AKAP6: variants seen among roughly 807,000 people sequenced by gnomAD.
AKAP6 encodes A-kinase anchor protein 6.
AKAP6 carries 58 observed loss-of-function variants against 188.5 expected under a neutral mutation model. That is an observed-to-expected ratio of 0.31 (90% CI 0.25 to 0.38). The LOEUF is 0.38. AKAP6 is among the 10% of genes least tolerant of loss of function. The probability of loss-of-function intolerance (pLI) is 1.00; values close to 1 mark genes in which losing one functional copy is unlikely to be tolerated. For synonymous variants in AKAP6, 989 were observed against 998.6 expected, an observed-to-expected ratio of 0.99 and a Z score of 0.18; for missense variants, 2,710 against 2,740.0, an observed-to-expected ratio of 0.99 and a Z score of 0.24.
chr14:32,676,235 T>A (rs1254056860), intron 7 of AKAP6, among the ~76,000 whole-genome samples: 1 of 152,198 alleles, frequency 6.6e-6, no homozygotes, highest in Non-Finnish European at 1.5e-5. Flanking sequence ...TTGCTCAATA[T>A]CTCTGTAATC....
intron 2 of AKAP6, among the ~76,000 whole-genome samples, chr14:32,518,084 G>A (rs1881616907): frequency 6.6e-6 from 1 of 152,182 alleles, no homozygotes; most frequent in African/African-American, 2.4e-5. Context: ...AGGCAAACAG[G>A]TTCTGGAGTG....
Position 32,613,180 on chromosome 14 carries a change from T to C in AKAP6, c.2730+12388T>C, listed in dbSNP as rs187748921. Among the ~76,000 whole-genome samples, 871 of 152,284 alleles carry C rather than the reference T, an allele frequency of 5.7e-3. 14 individuals carry two copies. Among genetic ancestry groups the C allele is most frequent in the African/African-American group, 0.02 (846 of 41,560 alleles). ...GGAACACAGTCTCTCTGTTTTATAC[T>C]AGACACAAACACAAACACTCAGGCA... On this transcript the variant is annotated intron_variant, in intron 7 of 13. Transcript: ENST00000280979.
chr14:32,807,397 G>C (rs1594967238), intron 12 of AKAP6, among the ~76,000 whole-genome samples: 1 of 152,084 alleles, frequency 6.6e-6, no homozygotes, highest in Admixed American at 6.6e-5. Flanking sequence ...TAAAGTCAGG[G>C]TAATTTAGAA....
chr14:32,770,854 A>G (rs2032876326), intron 11 of AKAP6, among the ~76,000 whole-genome samples: 1 of 152,208 alleles, frequency 6.6e-6, no homozygotes, highest in Non-Finnish European at 1.5e-5. Flanking sequence ...TCATTCCTGA[A>G]ACGGTGCCTA....
At chr14:32,549,367 C>A (rs779356353) in intron 4 of AKAP6, among the ~76,000 whole-genome samples, 3 of 152,102 alleles carry the variant, frequency 2.0e-5, no homozygotes, top group Non-Finnish European at 4.4e-5. Context: ...GAAGGATGTA[C>A]AGGATTCAGA....
At chr14:32,715,460 A>G (rs763122964) in intron 9 of AKAP6, among the ~76,000 whole-genome samples, 38 of 152,062 alleles carry the variant, frequency 2.5e-4, no homozygotes, top group Non-Finnish European at 3.7e-4. Flanking sequence ...ACGAAAAAAC[A>G]TGAAATAATA....
intron 1 of AKAP6, among the ~76,000 whole-genome samples, chr14:32,337,576 TTTA>T (rs1382712570): frequency 5.9e-5 from 9 of 152,230 alleles, no homozygotes; most frequent in Middle Eastern, 3.4e-3. Context: ...AAAATTTTAT[TTTA>T]TTATTATTAT....
At chr14:32,815,605 G>A (rs2034357160) in intron 12 of AKAP6, among the ~76,000 whole-genome samples, 1 of 152,050 alleles carries the variant, frequency 6.6e-6, no homozygotes, top group Non-Finnish European at 1.5e-5. Context: ...GTGAGTAAGG[G>A]GCCTAATCAA....
At chr14:32,630,855 C>A (rs1887237281) in intron 7 of AKAP6, among the ~76,000 whole-genome samples, 1 of 152,000 alleles carries the variant, frequency 6.6e-6, no homozygotes, top group Non-Finnish European at 1.5e-5. Context: ...AATAAAATCA[C>A]AACTATCTTA....
intron 12 of AKAP6, among the ~76,000 whole-genome samples, chr14:32,806,349 T>A (rs897204600): frequency 2.6e-5 from 4 of 152,338 alleles, no homozygotes; most frequent in Admixed American, 2.0e-4. Flanking sequence ...TTCACCTTTT[T>A]ATCTGCTCAG....
chr14:32,480,822 T>G (rs1475328068), intron 2 of AKAP6, among the ~76,000 whole-genome samples: 1 of 152,164 alleles, frequency 6.6e-6, no homozygotes, highest in Non-Finnish European at 1.5e-5. Context: ...ATCCTACTGG[T>G]CCAGGAAAAT....
chr14:32,821,741 A>G lies in AKAP6; in HGVS notation c.3928A>G (p.Lys1310Glu). ...NHMPFLKNNP[K>E]VTGMTQPNVL... is the part of the protein sequence containing the mutation. The stretch of plus-strand genomic sequence containing the variant: ...CATGCCATTTCTGAAAAACAATCCA[A>G]AGGTCACTGGCATGACACAGCCTAA... Residue 1310 changes from lysine to glutamate, a missense_variant, in exon 13 of 14, where the codon AAG becomes GAG. By Grantham distance (56) the Lys-to-Glu change is moderately conservative. Coordinates refer to ENST00000280979, the MANE Select transcript of AKAP6 (RefSeq NM_004274.5). The G allele has an allele frequency of 3.1e-6, 5 of 1,613,800 alleles. No individual in the cohort carries two copies. Among genetic ancestry groups the G allele is most frequent in the Non-Finnish European group, 4.2e-6 (5 of 1,179,908 alleles).
chr14:32,602,046 A>G (rs996360031), intron 7 of AKAP6, among the ~76,000 whole-genome samples: 3 of 152,210 alleles, frequency 2.0e-5, no homozygotes, highest in Non-Finnish European at 2.9e-5. Context: ...ACATGAGCAC[A>G]TATTTTAGGA....
intron 2 of AKAP6, among the ~76,000 whole-genome samples, chr14:32,494,091 CATT>C: frequency 6.6e-6 from 1 of 152,298 alleles, no homozygotes; most frequent in African/African-American, 2.4e-5. Context: ...CATGGCTATC[CATT>C]CACGACAGAT....
intron 1 of AKAP6, among the ~76,000 whole-genome samples, chr14:32,383,988 G>A (rs1888449517): frequency 6.6e-6 from 1 of 152,124 alleles, no homozygotes; most frequent in South Asian, 2.1e-4. Context: ...TTTTGCCATT[G>A]TGCATGTAAG....
At chr14:32,767,304 A>G (rs1034220314) in intron 11 of AKAP6, among the ~76,000 whole-genome samples, 5 of 152,122 alleles carry the variant, frequency 3.3e-5, no homozygotes, top group African/African-American at 1.2e-4. Flanking sequence ...GAGAAGCTTT[A>G]TTGAAAACCC....
intron 9 of AKAP6, among the ~76,000 whole-genome samples, chr14:32,728,199 G>T (rs2030970434): frequency 2.2e-5 from 2 of 89,750 alleles, no homozygotes; most frequent in Middle Eastern, 7.8e-3. Flanking sequence ...CACATCCCTG[G>T]ATTTTTTTTT....
chr14:32,670,119 T>G (rs1889119359), intron 7 of AKAP6, among the ~76,000 whole-genome samples: 1 of 147,052 alleles, frequency 6.8e-6, no homozygotes, highest in Non-Finnish European at 1.5e-5. Context: ...AAAAAGCCCC[T>G]TATAAAACTG....
intron 8 of AKAP6, among the ~76,000 whole-genome samples, chr14:32,685,492 A>T (rs746979376): frequency 5.3e-5 from 8 of 152,102 alleles, no homozygotes; most frequent in Non-Finnish European, 7.4e-5. Flanking sequence ...TGGGAGGCCG[A>T]GGCGGGCGGA....
Sources: allele counts gnomAD v4.1 joint callset (sites outside exome capture counted in the v4.1 genomes callset), GRCh38; gene constraint gnomAD v4.1.1; transcripts MANE v1.5; gene names NCBI Gene and HGNC (gene_info 2026-07-23, HGNC 2026-07-21).